Variants in TMEM108 observed in about 807,000 individuals in gnomAD.
TMEM108 encodes cancer/testis antigen 124.
A neutral mutation model predicts 35.1 loss-of-function variants in TMEM108; 12 were observed. That is an observed-to-expected ratio of 0.34 (90% CI 0.22 to 0.55). The LOEUF is 0.55. Ranked by LOEUF, TMEM108 falls within the 20% of genes least tolerant of loss-of-function variation. TMEM108 has a pLI of 0.89. For synonymous variants in TMEM108, 287 were observed against 308.6 expected, an observed-to-expected ratio of 0.93 and a Z score of 0.73; for missense variants, 680 against 753.3, an observed-to-expected ratio of 0.90 and a Z score of 1.14.
intron 3 of TMEM108, chr3:133,257,152 G>A (rs888549785): frequency 5.9e-5 from 9 of 152,148 alleles, no homozygotes; most frequent in African/African-American, 2.2e-4. Flanking sequence ...ATAACCTAAG[G>A]CTGCTATACA....
chr3:133,041,136 G>C (rs1299486432), intron 1 of TMEM108, among the ~76,000 whole-genome samples: 1 of 152,206 alleles, frequency 6.6e-6, no homozygotes, highest in Admixed American at 6.5e-5. Flanking sequence ...GTGGGGCTCT[G>C]CTGGCTGCTT....
chr3:133,280,398 A>G (rs1946896483), intron 3 of TMEM108, among the ~76,000 whole-genome samples: 1 of 152,200 alleles, frequency 6.6e-6, no homozygotes, highest in Admixed American at 6.5e-5. Context: ...TTCCTTAATC[A>G]CAGGCGGTAG....
intron 3 of TMEM108, among the ~76,000 whole-genome samples, chr3:133,268,371 T>C (rs1284056896): frequency 1.3e-5 from 2 of 152,078 alleles, no homozygotes; most frequent in Non-Finnish European, 2.9e-5. Context: ...ACCTGGGAGA[T>C]TGTAGAAATG....
At chr3:133,118,498 G>A (rs968598774) in intron 2 of TMEM108, among the ~76,000 whole-genome samples, 1 of 152,084 alleles carries the variant, frequency 6.6e-6, no homozygotes, top group African/African-American at 2.4e-5. Context: ...ATACTCTTCA[G>A]TTGCCTCTCA....
chr3:133,099,562 T>C (rs903441336), intron 2 of TMEM108, among the ~76,000 whole-genome samples: 1 of 152,200 alleles, frequency 6.6e-6, no homozygotes, highest in Non-Finnish European at 1.5e-5. Flanking sequence ...CCGTTTCCCT[T>C]TTAAAACAGA....
chr3:133,163,451 A>G (rs1576354133), intron 2 of TMEM108, among the ~76,000 whole-genome samples: 1 of 152,274 alleles, frequency 6.6e-6, no homozygotes, highest in East Asian at 1.9e-4. Context: ...CTTATATACC[A>G]TAGGGGTCAA....
intron 3 of TMEM108, among the ~76,000 whole-genome samples, chr3:133,338,098 G>C (rs147887112): frequency 0.017 from 2,550 of 152,220 alleles, 68 homozygotes; most frequent in African/African-American, 0.057. Context: ...AGAGTTATTG[G>C]CCTTAAAGAG....
At chr3:133,111,107 A>C (rs181167208) in intron 2 of TMEM108, among the ~76,000 whole-genome samples, 1 of 152,290 alleles carries the variant, frequency 6.6e-6, no homozygotes, top group East Asian at 1.9e-4. Flanking sequence ...TAGTGCCCAG[A>C]CAACCAAGAT....
At chr3:133,156,727 A>G (rs1944887057) in intron 2 of TMEM108, among the ~76,000 whole-genome samples, 1 of 152,210 alleles carries the variant, frequency 6.6e-6, no homozygotes, top group East Asian at 1.9e-4. Context: ...GTGTGGCAGA[A>G]CTGTACTGCC....
chr3:133,278,023 G>A (rs1946862259), intron 3 of TMEM108, among the ~76,000 whole-genome samples: 1 of 152,278 alleles, frequency 6.6e-6, no homozygotes, highest in East Asian at 1.9e-4. Context: ...TAATCACTTT[G>A]AACAAAACTA....
chr3:133,236,359 G>C (rs1343120789), intron 3 of TMEM108, among the ~76,000 whole-genome samples: 1 of 152,042 alleles, frequency 6.6e-6, no homozygotes, highest in Non-Finnish European at 1.5e-5. Context: ...CTACTGGTAT[G>C]GATTTGGACC....
intron 2 of TMEM108, among the ~76,000 whole-genome samples, chr3:133,168,699 C>A (rs1346863543): frequency 6.6e-6 from 1 of 152,184 alleles, no homozygotes; most frequent in Non-Finnish European, 1.5e-5. Context: ...CCACCTGAGC[C>A]AGCAGCGGCA....
At chr3:133,251,029 A>T (rs897701036) in intron 3 of TMEM108, among the ~76,000 whole-genome samples, 1 of 152,122 alleles carries the variant, frequency 6.6e-6, no homozygotes, top group Non-Finnish European at 1.5e-5. Flanking sequence ...TTTGAGGTTT[A>T]GTTTTTGACT....
chr3:133,226,816 A>T (rs1946078061), intron 2 of TMEM108, among the ~76,000 whole-genome samples: 1 of 152,308 alleles, frequency 6.6e-6, no homozygotes, highest in Admixed American at 6.5e-5. Context: ...ATAAAGACAT[A>T]CCCGCGACTG....
chr3:133,354,122 G>A (rs1174271212), intron 3 of TMEM108, among the ~76,000 whole-genome samples: 1 of 152,118 alleles, frequency 6.6e-6, no homozygotes, highest in Non-Finnish European at 1.5e-5. Context: ...AAGCCTTGAC[G>A]TCAGTTTTTA....
intron 3 of TMEM108, among the ~76,000 whole-genome samples, chr3:133,278,096 G>A: frequency 6.6e-6 from 1 of 152,236 alleles, no homozygotes; most frequent in Non-Finnish European, 1.5e-5. Flanking sequence ...CACGGCATGA[G>A]AAGCAAGGTC....
intron 2 of TMEM108, among the ~76,000 whole-genome samples, chr3:133,078,173 G>A (rs79141301): frequency 0.33 from 19,621 of 59,356 alleles, 1,375 homozygotes; most frequent in African/African-American, 0.41. Flanking sequence ...GCGCGCGCGC[G>A]CACACGTGTG....
chr3:133,201,596 C>G (rs1311020924), intron 2 of TMEM108, among the ~76,000 whole-genome samples: 1 of 152,152 alleles, frequency 6.6e-6, no homozygotes, highest in African/African-American at 2.4e-5. Flanking sequence ...TGATGGTTTA[C>G]AGCTTCAGCC....
chr3:133,378,422 G>T (rs180939109), intron 3 of TMEM108: 319 of 985,512 alleles, frequency 3.2e-4, no homozygotes, highest in Non-Finnish European at 3.7e-4. Flanking sequence ...GAATCTGATG[G>T]AGGAAAGACG....
Sources: gnomAD v4.1 joint callset for allele counts (sites outside exome capture counted in the v4.1 genomes callset) on GRCh38, gnomAD v4.1.1 for gene constraint, MANE v1.5 for transcripts, NCBI Gene and HGNC (gene_info 2026-07-23, HGNC 2026-07-21) for gene names.